Variants in CEP128 observed in about 807,000 individuals in gnomAD.
CEP128 encodes the protein centrosomal protein 128kDa.
Under a neutral mutation model 156.7 loss-of-function variants are expected in CEP128, and 132 were observed. The ratio of observed to expected loss-of-function variants is 0.84; its 90% CI spans 0.73 to 0.97. CEP128 has a LOEUF of 0.97. Ranked by LOEUF, CEP128 falls within the 50% of genes least tolerant of loss-of-function variation. CEP128 has a pLI of 0.00. For synonymous variants in CEP128, 469 were observed against 448.9 expected (o/e 1.04, Z -0.57); for missense variants, 1,252 against 1,281.9 (o/e 0.98, Z 0.36).
intron 19 of CEP128, among the ~76,000 whole-genome samples, chr14:80,598,783 A>C (rs1438280492): frequency 6.6e-6 from 1 of 152,230 alleles, no homozygotes; most frequent in Non-Finnish European, 1.5e-5. Context: ...ATAGCTCAAT[A>C]GAACAGAATA....
At chr14:80,734,959 CT>C (rs1376079567) in intron 19 of CEP128, among the ~76,000 whole-genome samples, 2 of 151,136 alleles carry the variant, frequency 1.3e-5, no homozygotes, top group Non-Finnish European at 2.9e-5. Flanking sequence ...AAGTTTGCTT[CT>C]CCCAAGCAGT....
At chr14:80,538,927 T>C (rs1889611831) in intron 21 of CEP128, among the ~76,000 whole-genome samples, 1 of 152,202 alleles carries the variant, frequency 6.6e-6, no homozygotes, top group African/African-American at 2.4e-5. Flanking sequence ...GTGTGACCTA[T>C]TAATGCTTGC....
intron 13 of CEP128, among the ~76,000 whole-genome samples, chr14:80,827,649 G>C (rs1257423619): frequency 6.6e-6 from 1 of 152,168 alleles, no homozygotes; most frequent in African/African-American, 2.4e-5. Context: ...AGGGAGGTGG[G>C]AGGTTGAGAA....
intron 19 of CEP128, among the ~76,000 whole-genome samples, chr14:80,741,608 A>T (rs1898834604): frequency 6.6e-6 from 1 of 152,146 alleles, no homozygotes; most frequent in Admixed American, 6.5e-5. Flanking sequence ...GGCAAATGTC[A>T]CTTACTATGA....
At chr14:80,639,406 T>C (rs1894319878) in intron 19 of CEP128, among the ~76,000 whole-genome samples, 1 of 152,152 alleles carries the variant, frequency 6.6e-6, no homozygotes, top group South Asian at 2.1e-4. Flanking sequence ...TATTTACATA[T>C]GATCCAAATG....
At chr14:80,482,495 T>A (rs978495323) in intron 14 of CEP128, among the ~76,000 whole-genome samples, 5 of 152,206 alleles carry the variant, frequency 3.3e-5, no homozygotes, top group African/African-American at 4.8e-5. Flanking sequence ...TTAGAATCAA[T>A]AGCACTCTTA....
rs952672888 is a variant in CEP128 at position 80,948,824 on chromosome 14, C to A, written c.-171-9284G>T. ...TATTTGCCCCATTTTAAAAGTTATG[C>A]TAAGGAAAGAAAATTGTCTTATTAA... On this transcript the variant is annotated intron_variant, in intron 2 of 7. Coordinates refer to the CEP128 transcript ENST00000555529. Among the ~76,000 whole-genome samples, 8 of 152,228 alleles carry A rather than the reference C, an allele frequency of 5.3e-5. No homozygotes were observed. In the East Asian group the frequency reaches 9.7e-4, roughly 18 times the overall value.
chr14:80,716,777 C>T (rs1218958934), intron 19 of CEP128, among the ~76,000 whole-genome samples: 1 of 152,128 alleles, frequency 6.6e-6, no homozygotes, highest in East Asian at 1.9e-4. Flanking sequence ...TTATATGTAA[C>T]TCTATGTTAA....
intron 8 of CEP128, among the ~76,000 whole-genome samples, chr14:80,887,601 C>A (rs1182317189): frequency 6.6e-6 from 1 of 152,078 alleles, no homozygotes; most frequent in Middle Eastern, 3.2e-3. Flanking sequence ...ACACAACGTA[C>A]CAGAATGTCT....
intron 19 of CEP128, among the ~76,000 whole-genome samples, chr14:80,636,923 C>T (rs1894205680): frequency 6.6e-6 from 1 of 151,862 alleles, no homozygotes; most frequent in African/African-American, 2.4e-5. Flanking sequence ...CCTGTCTCTA[C>T]TAAAAATACA....
At chr14:80,536,206 T>G (rs1195010252) in intron 21 of CEP128, among the ~76,000 whole-genome samples, 1 of 152,226 alleles carries the variant, frequency 6.6e-6, no homozygotes. Context: ...TTGCAATTCT[T>G]AGATTCCTGT....
intron 3 of CEP128, 22 bp downstream of exon 3, chr14:80,916,379 A>C (rs758240366): frequency 6.3e-7 from 1 of 1,594,986 alleles, no homozygotes; most frequent in Non-Finnish European, 8.6e-7. Flanking sequence ...ATTCTATTAA[A>C]TGCAACCATT....
intron 19 of CEP128, among the ~76,000 whole-genome samples, chr14:80,680,950 T>C (rs984641566): frequency 6.6e-6 from 1 of 152,188 alleles, no homozygotes. Context: ...GATCAGCCCA[T>C]TGCCTGAGAC....
chr14:80,604,667 C>T (rs931935732), intron 19 of CEP128, among the ~76,000 whole-genome samples: 3 of 152,102 alleles, frequency 2.0e-5, no homozygotes, highest in African/African-American at 7.2e-5. Flanking sequence ...GATATTGCTG[C>T]TGTTTCTGTT....
At position 80,792,742 on chromosome 14, in the gene CEP128, G is replaced by A. The variant is rs1901777113; in HGVS notation, c.1560+18C>T. 6.3e-7 allele frequency: 1 copy of A among 1,598,492 alleles called. No individual in the cohort carries two copies. The highest frequency in any genetic ancestry group is 8.6e-7 in the Non-Finnish European group (1 of 1,167,082). On this transcript the variant is annotated intron_variant, in intron 14 of 24. Coordinates refer to ENST00000555265, the MANE Select transcript of CEP128 (RefSeq NM_152446.5). ...GAATCACATTGAAAACCGTTCCTTA[G>A]GAATGTGGCTTTTATACCTGATTAT...
intron 2 of CEP128, among the ~76,000 whole-genome samples, chr14:80,923,759 C>T (rs1212606557): frequency 6.6e-6 from 1 of 152,164 alleles, no homozygotes; most frequent in Non-Finnish European, 1.5e-5. Flanking sequence ...GTATTTCTCA[C>T]TGTTTCTGAT....
Position 80,851,655 on chromosome 14 carries a change from AAAAT to A in CEP128, c.763-10891_763-10888del, listed in dbSNP as rs978191845. ...AAGAAACAAAAAGAGAAGTTAAAAA[AAAAT>A]AAATAAGATAAAAACACTTTAAAAT... is the stretch of plus-strand genomic sequence containing the variant. On this transcript the variant is annotated intron_variant, in intron 9 of 24. Transcript: ENST00000555265. 8.5e-5 allele frequency among the ~76,000 whole-genome samples: 13 copies of A among 152,212 alleles called. No individual in the cohort carries two copies. In the South Asian group the frequency reaches 2.1e-3, roughly 24 times the overall value.
intron 1 of CEP128, among the ~76,000 whole-genome samples, chr14:80,939,950 T>C (rs574114373): frequency 6.6e-5 from 10 of 152,356 alleles, no homozygotes; most frequent in African/African-American, 2.2e-4. Flanking sequence ...AAAGGAAATA[T>C]TTTATAAGAT....
intron 19 of CEP128, among the ~76,000 whole-genome samples, chr14:80,605,768 G>C (rs1435546732): frequency 6.6e-6 from 1 of 151,920 alleles, no homozygotes; most frequent in Admixed American, 6.6e-5. Flanking sequence ...ACCTTCCAAA[G>C]GGCAGTCAAG....
Sources: gnomAD v4.1 joint callset for allele counts (sites outside exome capture counted in the v4.1 genomes callset) on GRCh38, gnomAD v4.1.1 for gene constraint, MANE v1.5 for transcripts, NCBI Gene and HGNC (gene_info 2026-07-23, HGNC 2026-07-21) for gene names.